PTPRD: variants seen among roughly 807,000 people sequenced by gnomAD.
PTPRD encodes the protein receptor-type tyrosine-protein phosphatase delta.
In PTPRD, 34 loss-of-function variants were observed where a neutral mutation model predicts 214.5. The ratio of observed to expected loss-of-function variants is 0.16; its 90% confidence interval spans 0.12 to 0.21. The LOEUF (loss-of-function observed/expected upper bound fraction) is 0.21. Among genes scored for constraint, PTPRD ranks in the 10% least tolerant of loss-of-function variants. PTPRD has a pLI of 1.00. For missense variants in PTPRD, 2,545 were observed against 2,398.7 expected, an observed-to-expected ratio of 1.06 and a Z score of -1.27; for synonymous variants, 1,128 against 845.7, an observed-to-expected ratio of 1.33 and a Z score of -5.79.
chr9:10,555,594 C>A (rs1171598889), intron 2 of PTPRD, among the ~76,000 whole-genome samples: 1 of 152,148 alleles, frequency 6.6e-6, no homozygotes, highest in Non-Finnish European at 1.5e-5. Flanking sequence ...CTACAAAAGG[C>A]AAGAATACTC....
intron 2 of PTPRD, among the ~76,000 whole-genome samples, chr9:10,343,375 C>A (rs1487408824): frequency 6.6e-6 from 1 of 152,068 alleles, no homozygotes; most frequent in African/African-American, 2.4e-5. Context: ...TCCAGTCTGT[C>A]ATTGATGGAC....
intron 2 of PTPRD, among the ~76,000 whole-genome samples, chr9:10,440,974 A>AT (rs2098754333): frequency 6.6e-6 from 1 of 151,706 alleles, no homozygotes; most frequent in Non-Finnish European, 1.5e-5. Flanking sequence ...AATCAAAATC[A>AT]TTTTTTACTC....
At chr9:8,615,239 A>C (rs1027616040) in intron 14 of PTPRD, among the ~76,000 whole-genome samples, 1 of 142,072 alleles carries the variant, frequency 7.0e-6, no homozygotes, top group Non-Finnish European at 1.5e-5. Flanking sequence ...CGTTAATGGG[A>C]GCTGTGGGAG....
chr9:8,934,801 C>G (rs533269885), intron 11 of PTPRD, among the ~76,000 whole-genome samples: 1 of 151,602 alleles, frequency 6.6e-6, no homozygotes, highest in Non-Finnish European at 1.5e-5. Context: ...CAACCACCAT[C>G]GTACTCTCTG....
Position 8,518,279 on chromosome 9 carries a change from T to C in PTPRD, c.1112A>G (p.Asp371Gly), listed in dbSNP as rs775448123. Reference sequence around the variant, plus strand: ...ACTGTAGCGTGTGGTCGCCACCCCATCAATTTCTTTGTAAAGTTCCTCAGA... The same window carrying C: ...ACTGTAGCGTGTGGTCGCCACCCCACCAATTTCTTTGTAAAGTTCCTCAGA... Reference protein sequence around the residue: ...KNSEELYKEIDGVATTRYSVA... With the variant: ...KNSEELYKEIGGVATTRYSVA... The change falls in exon 21 of 46, where the codon GAT becomes GGT. Residue 371 changes from aspartate (D) to glycine (G), a missense_variant. Transcript: ENST00000381196. 8 of 1,614,182 alleles carry C rather than the reference T, an allele frequency of 5.0e-6. No individual in the cohort carries two copies. In the South Asian group the frequency reaches 7.7e-5, roughly 16 times the overall value.
intron 8 of PTPRD, among the ~76,000 whole-genome samples, chr9:9,565,975 T>C (rs1197011080): frequency 1.3e-5 from 2 of 152,004 alleles, no homozygotes; most frequent in Non-Finnish European, 2.9e-5. Flanking sequence ...AAGTGTCAGA[T>C]GGATTTATAA....
At chr9:10,023,583 C>A (rs1028559965) in intron 4 of PTPRD, among the ~76,000 whole-genome samples, 1 of 151,174 alleles carries the variant, frequency 6.6e-6, no homozygotes, top group African/African-American at 2.4e-5. Flanking sequence ...TGATCATGAT[C>A]TCTCATGCAT....
At chr9:10,585,986 G>GT (rs1218406731) in intron 2 of PTPRD, among the ~76,000 whole-genome samples, 2 of 151,976 alleles carry the variant, frequency 1.3e-5, no homozygotes, top group African/African-American at 4.8e-5. Context: ...GTAATACAGC[G>GT]TGAGTACAAA....
chr9:8,817,081 T>C (rs777794631), intron 11 of PTPRD, among the ~76,000 whole-genome samples: 7 of 152,236 alleles, frequency 4.6e-5, no homozygotes, highest in Non-Finnish European at 8.8e-5. Context: ...CGGTATAGCA[T>C]GATGAAGCTG....
At chr9:8,982,708 C>A (rs2099319434) in intron 11 of PTPRD, among the ~76,000 whole-genome samples, 1 of 151,932 alleles carries the variant, frequency 6.6e-6, no homozygotes, top group Non-Finnish European at 1.5e-5. Context: ...TCTGCAAGTT[C>A]ACTATTTTCT....
chr9:8,965,843 A>C (rs1435618385), intron 11 of PTPRD, among the ~76,000 whole-genome samples: 1 of 152,204 alleles, frequency 6.6e-6, no homozygotes, highest in East Asian at 1.9e-4. Context: ...AGAATAAGTC[A>C]AATTATTTCT....
intron 4 of PTPRD, among the ~76,000 whole-genome samples, chr9:10,023,317 G>C (rs1194549599): frequency 6.6e-6 from 1 of 152,050 alleles, no homozygotes; most frequent in East Asian, 1.9e-4. Context: ...CTTCCATTGG[G>C]AAAGGAACCT....
At chr9:9,889,863 G>A (rs942876977) in intron 5 of PTPRD, among the ~76,000 whole-genome samples, 1 of 151,814 alleles carries the variant, frequency 6.6e-6, no homozygotes, top group Admixed American at 6.6e-5. Context: ...GGTTTCTGAA[G>A]GGTGCACGGG....
At chr9:8,890,141 T>C (rs1277907512) in intron 11 of PTPRD, among the ~76,000 whole-genome samples, 1 of 152,198 alleles carries the variant, frequency 6.6e-6, no homozygotes. Flanking sequence ...TCAAAATAAA[T>C]ATATGTCAGA....
intron 5 of PTPRD, among the ~76,000 whole-genome samples, chr9:9,832,421 C>T (rs2055189055): frequency 6.6e-6 from 1 of 151,954 alleles, no homozygotes; most frequent in Non-Finnish European, 1.5e-5. Context: ...GCAGATATTA[C>T]TGATGGACTA....
At chr9:9,164,142 T>C (rs952534279) in intron 10 of PTPRD, among the ~76,000 whole-genome samples, 1 of 152,184 alleles carries the variant, frequency 6.6e-6, no homozygotes, top group Non-Finnish European at 1.5e-5. Context: ...AAATTTATTA[T>C]ACTTCTGGAG....
intron 9 of PTPRD, among the ~76,000 whole-genome samples, chr9:9,250,120 A>G (rs2099974849): frequency 1.3e-5 from 2 of 152,124 alleles, no homozygotes; most frequent in African/African-American, 2.4e-5. Flanking sequence ...CACCATGAAC[A>G]GTCGCATACA....
chr9:9,701,934 C>G (rs566905871), intron 7 of PTPRD, among the ~76,000 whole-genome samples: 1 of 152,058 alleles, frequency 6.6e-6, no homozygotes, highest in Non-Finnish European at 1.5e-5. Context: ...GCCTGGCCAA[C>G]ATGGTGAAAC....
intron 6 of PTPRD, among the ~76,000 whole-genome samples, chr9:9,739,989 C>A (rs1276987134): frequency 6.6e-6 from 1 of 152,094 alleles, no homozygotes; most frequent in Non-Finnish European, 1.5e-5. Flanking sequence ...TGAAGATTTT[C>A]TACCTCATAT....
Sources: allele counts gnomAD v4.1 joint callset (sites outside exome capture counted in the v4.1 genomes callset), GRCh38; gene constraint gnomAD v4.1.1; transcripts MANE v1.5; gene names NCBI Gene and HGNC (gene_info 2026-07-23, HGNC 2026-07-21).